The following LPP variants were observed in gnomAD, a reference collection of about 807,000 sequenced individuals.
LPP encodes the protein LIM domain containing preferred translocation partner in lipoma.
Under a neutral mutation model 60.4 loss-of-function variants are expected in LPP, and 38 were observed. The ratio of observed to expected loss-of-function variants is 0.63; its 90% CI spans 0.49 to 0.83. The LOEUF (loss-of-function observed/expected upper bound fraction) is 0.83. Among genes scored for constraint, LPP ranks in the 40% least tolerant of loss-of-function variants. LPP has a pLI of 0.00. For synonymous variants in LPP, 328 were observed against 290.8 expected, an observed-to-expected ratio of 1.13 and a Z score of -1.30; for missense variants, 902 against 783.6, an observed-to-expected ratio of 1.15 and a Z score of -1.80.
Position 188,582,383 on chromosome 3 carries a change from G to A in LPP, c.430-26778G>A, listed in dbSNP as rs567692103. The stretch of plus-strand genomic sequence containing the variant: ...TTTATTAGAGATGGGGTTTCACCAC[G>A]TTGGCCAGTCTTGTCTCGAACTCCT... On this transcript the variant is annotated intron_variant, in intron 6 of 11. Transcript: ENST00000617246. Among the ~76,000 whole-genome samples, 10 of 151,156 alleles carry A rather than the reference G, an allele frequency of 6.6e-5. 1 individual carries two copies. Among genetic ancestry groups the A allele is most frequent in the South Asian group, 4.2e-4 (2 of 4,784 alleles).
In LPP at chr3:188,336,583, C is replaced by T. The variant is rs201525720; in HGVS notation, c.-66-5080C>T. Among the ~76,000 whole-genome samples, 3 of 152,278 alleles carry T rather than the reference C, an allele frequency of 2.0e-5. No homozygotes were observed. The East Asian group carries it at 5.8e-4, about 29-fold the overall frequency. On this transcript the variant is annotated intron_variant, in intron 2 of 11. Transcript: ENST00000617246. Reference sequence around the variant, plus strand: ...CAGCAGTACCTTAGACTCTGTAAGACCACATGCGGTAGCAGTACCCCAGAA... The same window carrying T: ...CAGCAGTACCTTAGACTCTGTAAGATCACATGCGGTAGCAGTACCCCAGAA...
intron 1 of LPP, among the ~76,000 whole-genome samples, chr3:188,172,567 T>C (rs533705948): frequency 6.6e-6 from 1 of 152,350 alleles, no homozygotes; most frequent in South Asian, 2.1e-4. Flanking sequence ...TTTTTTTTGT[T>C]ATTGTTGTCT....
At chr3:188,488,819 G>A (rs1049697515) in intron 5 of LPP, among the ~76,000 whole-genome samples, 3 of 151,752 alleles carry the variant, frequency 2.0e-5, no homozygotes, top group South Asian at 2.1e-4. Flanking sequence ...TTGTATTTTC[G>A]GTAGAGATGG....
At chr3:188,450,190 C>T (rs763485894) in intron 4 of LPP, among the ~76,000 whole-genome samples, 14 of 152,178 alleles carry the variant, frequency 9.2e-5, no homozygotes, top group South Asian at 4.1e-4. Flanking sequence ...ATTTGATTAG[C>T]GCTGAGACAT....
chr3:188,633,393 T>A (rs1848183207), intron 7 of LPP, among the ~76,000 whole-genome samples: 1 of 152,222 alleles, frequency 6.6e-6, no homozygotes, highest in Non-Finnish European at 1.5e-5. Flanking sequence ...AATAACCAGT[T>A]ACTTACATAA....
intron 2 of LPP, among the ~76,000 whole-genome samples, chr3:188,300,373 G>A (rs1019386635): frequency 5.3e-5 from 8 of 150,394 alleles, no homozygotes; most frequent in African/African-American, 2.0e-4. Flanking sequence ...ACGAACGATT[G>A]TGACTATTGT....
chr3:188,280,884 C>T (rs1291681014), intron 2 of LPP, among the ~76,000 whole-genome samples: 1 of 151,090 alleles, frequency 6.6e-6, no homozygotes, highest in Non-Finnish European at 1.5e-5. Flanking sequence ...GACTCAGCTT[C>T]TTCTTCATGT....
intron 2 of LPP, among the ~76,000 whole-genome samples, chr3:188,277,891 G>C (rs918498543): frequency 5.9e-5 from 9 of 152,178 alleles, no homozygotes; most frequent in African/African-American, 2.2e-4. Context: ...CCCTAAACTA[G>C]CTGTTTGGGA....
intron 4 of LPP, among the ~76,000 whole-genome samples, chr3:188,435,241 G>A (rs1792018293): frequency 6.6e-6 from 1 of 152,086 alleles, no homozygotes; most frequent in Non-Finnish European, 1.5e-5. Context: ...AAATGTTGTA[G>A]GGAATCAAAG....
At chr3:188,218,738 G>A (rs1714634604) in intron 1 of LPP, among the ~76,000 whole-genome samples, 1 of 152,160 alleles carries the variant, frequency 6.6e-6, no homozygotes, top group South Asian at 2.1e-4. Context: ...GCGTATGGAA[G>A]GGGAGTGGAT....
At chr3:188,477,613 A>G (rs566210046) in intron 4 of LPP, among the ~76,000 whole-genome samples, 5 of 152,282 alleles carry the variant, frequency 3.3e-5, no homozygotes, top group South Asian at 4.2e-4. Context: ...TCAGCTGAAC[A>G]ATTGGAGATG....
At chr3:188,865,806 A>T (rs1290252215) in intron 9 of LPP, among the ~76,000 whole-genome samples, 1 of 152,310 alleles carries the variant, frequency 6.6e-6, no homozygotes, top group South Asian at 2.1e-4. Flanking sequence ...AATATTTACT[A>T]TATGGGACTT....
intron 9 of LPP, among the ~76,000 whole-genome samples, chr3:188,809,165 G>GTAGAATGA (rs1466780338): frequency 1.3e-5 from 2 of 152,136 alleles, no homozygotes; most frequent in African/African-American, 4.8e-5. Flanking sequence ...TGTCTTTATA[G>GTAGAATGA]TAGAATGATT....
At chr3:188,424,069 T>G (rs1560385825) in intron 4 of LPP, among the ~76,000 whole-genome samples, 2 of 152,170 alleles carry the variant, frequency 1.3e-5, no homozygotes, top group Admixed American at 6.5e-5. Flanking sequence ...GGTTTTCTTC[T>G]AGGGTTTTTA....
At chr3:188,872,102 G>T (rs1219165831) in intron 10 of LPP, among the ~76,000 whole-genome samples, 1 of 152,078 alleles carries the variant, frequency 6.6e-6, no homozygotes, top group Non-Finnish European at 1.5e-5. Context: ...ATATTTAAAC[G>T]CACTAACCTC....
chr3:188,287,168 T>C (rs1315526228), intron 2 of LPP, among the ~76,000 whole-genome samples: 1 of 152,248 alleles, frequency 6.6e-6, no homozygotes, highest in South Asian at 2.1e-4. Context: ...CCCGAAGTGC[T>C]GGGATTACAG....
rs1812883756 is a variant in LPP at position 188,504,507 on chromosome 3, G to T, written c.306+19803G>T. Among the ~76,000 whole-genome samples the T allele has an allele frequency of 2.0e-5, 3 of 151,952 alleles. No individual in the cohort carries two copies. In the South Asian group the frequency reaches 6.2e-4, roughly 32 times the overall value. On this transcript the variant is annotated intron_variant, in intron 5 of 11. Transcript: ENST00000617246. ...TTCTTTGTATGTCTTTTGATTTTTT[G>T]TTGTTGTTGAAAATTGCATATTTGA... is the stretch of plus-strand genomic sequence containing the variant.
chr3:188,320,402 T>C (rs981020376), intron 2 of LPP, among the ~76,000 whole-genome samples: 2 of 152,138 alleles, frequency 1.3e-5, no homozygotes, highest in African/African-American at 4.8e-5. Context: ...AACTCTGGGG[T>C]CCCCTCAGTG....
intron 8 of LPP, among the ~76,000 whole-genome samples, chr3:188,742,231 T>A (rs907609698): frequency 6.6e-6 from 1 of 152,070 alleles, no homozygotes; most frequent in East Asian, 1.9e-4. Context: ...GGAAAACAGT[T>A]TGGTAGTGTC....
Sources: allele counts gnomAD v4.1 joint callset (sites outside exome capture counted in the v4.1 genomes callset), GRCh38; gene constraint gnomAD v4.1.1; transcripts MANE v1.5; gene names NCBI Gene and HGNC (gene_info 2026-07-23, HGNC 2026-07-21).